FUBP3: variants seen among roughly 807,000 people sequenced by gnomAD.
The protein encoded by FUBP3 is far upstream element binding protein 3, also known as far upstream element-binding protein 3.
FUBP3 carries 28 observed loss-of-function variants against 85.6 expected under a neutral mutation model. That is an observed-to-expected ratio of 0.33 (90% CI 0.24 to 0.45). FUBP3 has a LOEUF of 0.45. Ranked by LOEUF, FUBP3 falls within the 20% of genes least tolerant of loss-of-function variation. The pLI is 1.00. For synonymous variants in FUBP3, 271 were observed against 271.4 expected, an observed-to-expected ratio of 1.00 and a Z score of 0.01; for missense variants, 583 against 755.1, an observed-to-expected ratio of 0.77 and a Z score of 2.67.
Position 130,616,499 on chromosome 9 carries a change from A to G in FUBP3, c.549A>G (p.Glu183=), listed in dbSNP as rs1421062443. Residue 183 remains glutamate (E), a synonymous_variant, in exon 7 of 19, where the codon GAA becomes GAG. Transcript: ENST00000319725. The surrounding 1 kb of genome is among the most constrained non-coding windows in gnomAD (Gnocchi z 4.7). Reference sequence around the variant, plus strand: ...GTCTGGTCATCGGCAGAGGAGGGGAAACAATCAAGCAGTTGCAGGTGTGTG... The same window carrying G: ...GTCTGGTCATCGGCAGAGGAGGGGAGACAATCAAGCAGTTGCAGGTGTGTG... The part of the protein sequence containing the change: ...KVGLVIGRGG[E]TIKQLQERTG... The G allele has an allele frequency of 1.2e-6, 2 of 1,614,144 alleles. No individual in the cohort carries two copies. The highest frequency in any genetic ancestry group is 1.1e-5 in the South Asian group (1 of 91,082).
In FUBP3 at chr9:130,613,087, C is replaced by G. The variant is rs1055223016; in HGVS notation, c.346+60C>G. 1.6e-5 allele frequency: 17 copies of G among 1,067,152 alleles called. No individual in the cohort carries two copies. In the African/African-American group the frequency reaches 2.7e-4, roughly 17 times the overall value. The allele number at this position is 1,067,152 out of a possible 1,614,324, so 66.1% of individuals were successfully genotyped here. ...AGAAATCAGTATTTTGCAAAACTTT[C>G]CAGATTCGGTACTTTGCTTGTTGCT... On this transcript the variant is annotated intron_variant, in intron 5 of 18. Coordinates refer to ENST00000319725, the MANE Select transcript of FUBP3 (RefSeq NM_003934.2).
Position 130,616,227 on chromosome 9 carries a change from G to A in FUBP3, c.405-128G>A. On this transcript the variant is annotated intron_variant, in intron 6 of 18. Transcript: ENST00000319725. This position sits in a 1 kb window ranked among gnomAD's most constrained non-coding sequence, Gnocchi z 4.7. ...GAGAGACCTCCGGGTTGTGGGGGCA[G>A]GAGCTGGAGCTGGATGGAGGGCTGC... 1.3e-6 allele frequency: 1 copy of A among 793,266 alleles called. No homozygotes were observed. The highest frequency in any genetic ancestry group is 2.0e-6 in the Non-Finnish European group (1 of 491,222). 49.1% of individuals were successfully genotyped at this position (793,266 alleles called of 1,614,324 possible). A position where few individuals can be genotyped will look rare whatever the true frequency, so the allele number is the denominator to read the frequency against.
intron 7 of FUBP3, among the ~76,000 whole-genome samples, chr9:130,617,575 C>T (rs969034695): frequency 3.3e-5 from 5 of 152,232 alleles, no homozygotes; most frequent in African/African-American, 1.2e-4. Context: ...GGACTGGAAT[C>T]ATTTTAGGAG....
intron 2 of FUBP3, among the ~76,000 whole-genome samples, chr9:130,598,330 T>A (rs1588126625): frequency 6.6e-6 from 1 of 152,340 alleles, no homozygotes; most frequent in African/African-American, 2.4e-5. Context: ...GTTTTAACCC[T>A]TCAGCGCCAG....
intron 1 of FUBP3, among the ~76,000 whole-genome samples, chr9:130,582,936 A>G (rs1830194491): frequency 6.6e-6 from 1 of 152,194 alleles, no homozygotes; most frequent in Admixed American, 6.5e-5. Context: ...GAAACTACTA[A>G]TACTTTTTAG....
At chr9:130,605,035 T>C (rs983495379) in intron 2 of FUBP3, among the ~76,000 whole-genome samples, 4 of 152,232 alleles carry the variant, frequency 2.6e-5, no homozygotes, top group African/African-American at 9.6e-5. Context: ...ACCCTTATTA[T>C]ATATGGTACA....
At chr9:130,621,904 CAAAAAAAAA>C (rs1354695428) in intron 9 of FUBP3, among the ~76,000 whole-genome samples, 1 of 134,302 alleles carries the variant, frequency 7.4e-6, no homozygotes, top group African/African-American at 2.8e-5. Flanking sequence ...GACTCTGTCT[CAAAAAAAAA>C]GAAAAAAAAA....
rs1831779194 is a variant in FUBP3, at chr9:130,612,180, G to A, written c.225-276G>A. ...ACTGAGAGGTGCTGTATGAAGAAAA[G>A]GCAGCTGTTAGAGGAGGTGATGGTT... On this transcript the variant is annotated intron_variant, in intron 3 of 18. Transcript: ENST00000319725. This position sits in a 1 kb window ranked among gnomAD's most constrained non-coding sequence, Gnocchi z 4.1. Among the ~76,000 whole-genome samples the A allele has an allele frequency of 6.6e-6, 1 of 152,160 alleles. No homozygotes were observed. Among genetic ancestry groups the A allele is most frequent in the South Asian group, 2.1e-4 (1 of 4,818 alleles).
intron 8 of FUBP3, 106 bp downstream of exon 8, chr9:130,618,001 G>T: frequency 1.7e-6 from 1 of 602,088 alleles, no homozygotes; most frequent in Admixed American, 3.1e-5. Context: ...TGGCAGCTCC[G>T]TTATTGAAGG....
Position 130,635,923 on chromosome 9 carries a change from C to T in FUBP3, c.1583-76C>T. The T allele has an allele frequency of 1.3e-6, 2 of 1,483,566 alleles. No individual in the cohort carries two copies. The highest frequency in any genetic ancestry group is 2.5e-5 in the South Asian group (2 of 80,594). The allele number at this position is 1,483,566 out of a possible 1,614,324, so 91.9% of individuals were successfully genotyped here. A position where few individuals can be genotyped will look rare whatever the true frequency, so the allele number is the denominator to read the frequency against. On this transcript the variant is annotated intron_variant, in intron 17 of 18. Coordinates refer to ENST00000319725, the MANE Select transcript of FUBP3 (RefSeq NM_003934.2). This position sits in a 1 kb window ranked among gnomAD's most constrained non-coding sequence, Gnocchi z 4.3. ...CAGCCGTCCGGAGGGAGAGCAGATG[C>T]CCAGGGCCTTTGGGAAGGGTCCTGC...
At chr9:130,631,224 C>T (rs879493724) in intron 13 of FUBP3, 20 of 1,240,402 alleles carry the variant, frequency 1.6e-5, no homozygotes, top group East Asian at 3.7e-5. Flanking sequence ...GGCCACTGCT[C>T]ACCTCAATGG....
At chr9:130,585,143 A>G (rs1030468389) in intron 1 of FUBP3, among the ~76,000 whole-genome samples, 9 of 152,174 alleles carry the variant, frequency 5.9e-5, no homozygotes, top group African/African-American at 2.2e-4. Flanking sequence ...CTGGGCGACA[A>G]AGTGAGACTC....
chr9:130,589,634 G>A (rs1588115476), intron 1 of FUBP3, among the ~76,000 whole-genome samples: 1 of 137,914 alleles, frequency 7.3e-6, no homozygotes, highest in Admixed American at 7.5e-5. Context: ...ATGAACCCCT[G>A]CACCCAGCCA....
chr9:130,581,750 C>G (rs987434921), intron 1 of FUBP3: 1 of 152,206 alleles, frequency 6.6e-6, no homozygotes, highest in Non-Finnish European at 1.5e-5. Context: ...AAAGCTTTTT[C>G]CCCTTTTATG....
intron 2 of FUBP3, among the ~76,000 whole-genome samples, chr9:130,605,359 G>A (rs550107064): frequency 3.0e-4 from 45 of 152,340 alleles, no homozygotes; most frequent in African/African-American, 1.0e-3. Context: ...TGACTTGTGA[G>A]ATGAAGAATG....
intron 2 of FUBP3, among the ~76,000 whole-genome samples, chr9:130,603,388 G>A (rs1457152598): frequency 6.6e-6 from 1 of 150,606 alleles, no homozygotes; most frequent in African/African-American, 2.4e-5. Context: ...AAGGGGACAG[G>A]GTCTGATTTT....
chr9:130,589,696 TA>T (rs1830518192), intron 1 of FUBP3, among the ~76,000 whole-genome samples: 7 of 32,926 alleles, frequency 2.1e-4, no homozygotes, highest in South Asian at 8.8e-4. Context: ...TATATATATA[TA>T]TATATATATT....
intron 2 of FUBP3, among the ~76,000 whole-genome samples, chr9:130,601,819 T>TTTTTTTG (rs1831170826): frequency 6.7e-6 from 1 of 148,766 alleles, no homozygotes; most frequent in East Asian, 2.0e-4. Flanking sequence ...TTTTTTTTTT[T>TTTTTTTG]GAGATGGAGT....
chr9:130,597,019 C>T (rs1445007974), intron 2 of FUBP3, among the ~76,000 whole-genome samples: 1 of 150,522 alleles, frequency 6.6e-6, no homozygotes, highest in African/African-American at 2.4e-5. Context: ...TACCCATTAA[C>T]CCCCCTCCCC....
Sources: allele counts gnomAD v4.1 joint callset (sites outside exome capture counted in the v4.1 genomes callset), GRCh38; gene constraint gnomAD v4.1.1; non-coding constraint Gnocchi (gnomAD v3.1); transcripts MANE v1.5; gene names NCBI Gene and HGNC (gene_info 2026-07-23, HGNC 2026-07-21).